XRCC5: variants seen among roughly 807,000 people sequenced by gnomAD.
XRCC5 encodes the protein X-ray repair cross complementing 5.
Under a neutral mutation model 95.7 loss-of-function variants are expected in XRCC5, and 12 were observed. The ratio of observed to expected loss-of-function variants is 0.13; its 90% CI spans 0.08 to 0.20. XRCC5 has a LOEUF of 0.20. Ranked by LOEUF, XRCC5 falls within the 10% of genes least tolerant of loss-of-function variation. The pLI is 1.00. For missense variants in XRCC5, 595 were observed against 873.9 expected, an observed-to-expected ratio of 0.68 and a Z score of 4.02; for synonymous variants, 281 against 290.3, an observed-to-expected ratio of 0.97 and a Z score of 0.33.
intron 4 of XRCC5, among the ~76,000 whole-genome samples, chr2:216,118,378 A>G (rs950205931): frequency 3.7e-4 from 56 of 151,936 alleles, no homozygotes; most frequent in African/African-American, 1.1e-3. Context: ...CGGTCTCACT[A>G]TTTTGCCCAG....
intron 10 of XRCC5, among the ~76,000 whole-genome samples, chr2:216,135,334 C>G (rs1697057915): frequency 6.6e-6 from 1 of 151,080 alleles, no homozygotes; most frequent in Non-Finnish European, 1.5e-5. Context: ...GGCATTCTAG[C>G]TAGGAGGTAA....
chr2:216,175,201 C>T, intron 16 of XRCC5: 1 of 374,494 alleles, frequency 2.7e-6, no homozygotes, highest in Admixed American at 3.3e-5. Context: ...GGCAGGCCCA[C>T]CACCATTGTT....
chr2:216,120,084 C>T (rs1242144195), intron 5 of XRCC5, among the ~76,000 whole-genome samples: 1 of 150,096 alleles, frequency 6.7e-6, no homozygotes, highest in Admixed American at 6.9e-5. Flanking sequence ...TCTCTTAAGA[C>T]TACAGAGCGA....
intron 6 of XRCC5, 102 bp downstream of exon 6, chr2:216,122,355 T>G (rs2106004149): frequency 9.4e-7 from 1 of 1,061,670 alleles, no homozygotes; most frequent in Non-Finnish European, 1.3e-6. Flanking sequence ...GGCCACTCTC[T>G]AATTAGTCAT....
intron 16 of XRCC5, among the ~76,000 whole-genome samples, chr2:216,173,242 TG>T (rs140445673): frequency 0.043 from 6,534 of 152,172 alleles, 197 homozygotes; most frequent in Non-Finnish European, 0.067. Context: ...TTGTACTGGC[TG>T]GAACTTCTGG....
chr2:216,170,025 A>G (rs1689127378), intron 16 of XRCC5, among the ~76,000 whole-genome samples: 1 of 134,692 alleles, frequency 7.4e-6, no homozygotes, highest in African/African-American at 2.8e-5. Flanking sequence ...GCGACAGAGC[A>G]AGACTGTGTC....
intron 16 of XRCC5, among the ~76,000 whole-genome samples, chr2:216,165,579 C>A (rs967113491): frequency 6.6e-6 from 1 of 152,192 alleles, no homozygotes; most frequent in African/African-American, 2.4e-5. Context: ...TTTTTACTAA[C>A]GCCCTTTATA....
chr2:216,187,857 T>TC (rs1553579193), intron 16 of XRCC5, among the ~76,000 whole-genome samples: 21 of 117,312 alleles, frequency 1.8e-4, no homozygotes, highest in African/African-American at 4.7e-4. Context: ...TCTCTCTCTC[T>TC]CTCTCCCCGT....
At chr2:216,188,844 C>T (rs985832626) in intron 16 of XRCC5, among the ~76,000 whole-genome samples, 4 of 152,178 alleles carry the variant, frequency 2.6e-5, no homozygotes, top group Non-Finnish European at 5.9e-5. Flanking sequence ...TTCACTGCTG[C>T]GGGATACGTT....
chr2:216,194,278 T>C (rs1474697865), intron 18 of XRCC5, among the ~76,000 whole-genome samples: 1 of 152,230 alleles, frequency 6.6e-6, no homozygotes, highest in Non-Finnish European at 1.5e-5. Flanking sequence ...CCTACTTTTG[T>C]TTCACTTAAA....
intron 16 of XRCC5, among the ~76,000 whole-genome samples, chr2:216,162,953 A>G (rs2106028336): frequency 6.6e-6 from 1 of 152,268 alleles, no homozygotes. Context: ...CTGTTCATTT[A>G]CCCTTTAAAT....
intron 16 of XRCC5, among the ~76,000 whole-genome samples, chr2:216,181,784 G>T (rs926583510): frequency 4.6e-5 from 7 of 152,176 alleles, no homozygotes; most frequent in African/African-American, 1.7e-4. Context: ...AATTGTAGCA[G>T]ATTTACTTCT....
intron 14 of XRCC5, among the ~76,000 whole-genome samples, chr2:216,149,936 T>TTC (rs1161214248): frequency 6.6e-6 from 1 of 152,168 alleles, no homozygotes; most frequent in East Asian, 1.9e-4. Context: ...CACGCTCCTA[T>TTC]TCTCTCTCTC....
chr2:216,116,302 C>T (rs1161362436), intron 2 of XRCC5, among the ~76,000 whole-genome samples: 1 of 151,886 alleles, frequency 6.6e-6, no homozygotes, highest in East Asian at 1.9e-4. Context: ...AAATTTAAAC[C>T]TTAGACATTC....
intron 19 of XRCC5, among the ~76,000 whole-genome samples, chr2:216,202,696 A>C (rs762482382): frequency 6.6e-6 from 1 of 152,144 alleles, no homozygotes; most frequent in Non-Finnish European, 1.5e-5. Flanking sequence ...AAAAGAAGAT[A>C]AATTCCTTAT....
At chr2:216,121,968 C>A in intron 5 of XRCC5, 94 bp from the exon 6 acceptor site, 25 of 1,136,514 alleles carry the variant, frequency 2.2e-5, no homozygotes, top group Admixed American at 6.2e-5. Flanking sequence ...AAATTTGAAA[C>A]TTGAAAAGGT....
chr2:216,176,612 G>A (rs1286803012), intron 16 of XRCC5, among the ~76,000 whole-genome samples: 2 of 151,658 alleles, frequency 1.3e-5, no homozygotes, highest in Non-Finnish European at 2.9e-5. Context: ...CCTTTTTCTT[G>A]GTCAGTCTAG....
intron 16 of XRCC5, among the ~76,000 whole-genome samples, chr2:216,183,565 C>G (rs575582403): frequency 6.6e-6 from 1 of 152,254 alleles, no homozygotes; most frequent in African/African-American, 2.4e-5. Flanking sequence ...GTGGTCAGCA[C>G]TTTGCATATC....
chr2:216,146,347 ATT>A (rs934588902), intron 13 of XRCC5, among the ~76,000 whole-genome samples: 39 of 152,226 alleles, frequency 2.6e-4, no homozygotes, highest in African/African-American at 9.1e-4. Context: ...AGCATCTTTT[ATT>A]TTTTTAGAAT....
Sources: allele counts gnomAD v4.1 joint callset (sites outside exome capture counted in the v4.1 genomes callset), GRCh38; gene constraint gnomAD v4.1.1; transcripts MANE v1.5; gene names NCBI Gene and HGNC (gene_info 2026-07-23, HGNC 2026-07-21).